Variants in GPRIN2 observed in about 807,000 individuals in gnomAD.
GPRIN2 encodes G protein-regulated inducer of neurite outgrowth 2.
A neutral mutation model predicts 0.3 loss-of-function variants in GPRIN2; 1 was observed. The observed-to-expected ratio is 3.90, with a 90% CI of 1.39 to 18.51. The LOEUF (loss-of-function observed/expected upper bound fraction) is 18.51. Ranked by LOEUF, GPRIN2 falls within the 30% of genes most tolerant of loss-of-function variation. The pLI is 0.11. For synonymous variants in GPRIN2, 361 were observed against 258.6 expected (o/e 1.40, Z -3.80); for missense variants, 880 against 604.2 (o/e 1.46, Z -4.79).
At chr10:46,551,039 C>G (rs1398769584) in intron 2 of GPRIN2, among the ~76,000 whole-genome samples, 1 of 152,304 alleles carries the variant, frequency 6.6e-6, no homozygotes, top group East Asian at 1.9e-4. Context: ...CAGCTCTCAA[C>G]TCTTTACTGG....
upstream of GPRIN2, among the ~76,000 whole-genome samples, chr10:46,556,711 C>T (rs1485725259): frequency 2.0e-5 from 3 of 152,048 alleles, no homozygotes; most frequent in Admixed American, 1.3e-4. Flanking sequence ...GGGCGGCGGG[C>T]GGAGACCTCG....
chr10:46,553,275 C>A (rs1832055680), intron 2 of GPRIN2, among the ~76,000 whole-genome samples: 57 of 152,398 alleles, frequency 3.7e-4, no homozygotes, highest in African/African-American at 1.3e-3. Flanking sequence ...CATGACATGC[C>A]ATGGAACAAG....
chr10:46,553,129 C>CAG lies in GPRIN2; in HGVS notation c.-7+1454_-7+1455dup, dbSNP rs1448794136. Among the ~76,000 whole-genome samples the CAG allele has an allele frequency of 3.3e-5, 5 of 152,312 alleles. No individual in the cohort carries two copies. The East Asian group carries it at 7.7e-4, about 23-fold the overall frequency. ...TACAGACAGGAGAATTCCATAAGCT[C>CAG]AGAGAGGCTCAGTGACCCCCAAGGG... On this transcript the variant is annotated intron_variant, in intron 2 of 2. Transcript: ENST00000374314.
In GPRIN2 at chr10:46,555,673, C is replaced by T. The variant is rs925476343; in HGVS notation, c.-118+825G>A. On this transcript the variant is annotated intron_variant, in intron 1 of 2. Transcript: ENST00000374314. ...GTGGCCCCATGGATGAGGCTCTGCT[C>T]ACCAGGAAGAGGCCTAGGCGCCCAA... is the stretch of plus-strand genomic sequence containing the variant. 4 of 153,834 alleles carry T rather than the reference C, an allele frequency of 2.6e-5. No homozygotes were observed. The South Asian group carries it at 6.2e-4, about 24-fold the overall frequency. The allele number at this position is 153,834 out of a possible 1,614,324, so 9.5% of individuals were successfully genotyped here. A position where few individuals can be genotyped will look rare whatever the true frequency, so the allele number is the denominator to read the frequency against.
chr10:46,542,348 T>C lies in GPRIN2; in HGVS notation c.*7012A>G, dbSNP rs1189844461. Among the ~76,000 whole-genome samples, 1 of 152,310 alleles carries C rather than the reference T, an allele frequency of 6.6e-6. No individual in the cohort carries two copies. Among genetic ancestry groups the C allele is most frequent in the Non-Finnish European group, 1.5e-5 (1 of 68,058 alleles). ...CCCAAAATCTCATCTTGAATTGTAA[T>C]CCCTATAATCCCCATGTGACAAGGG... On this transcript the variant is annotated 3_prime_UTR_variant, in exon 3 of 3. Transcript: ENST00000374314.
Position 46,547,202 on chromosome 10 carries a change from TG to T in GPRIN2, c.*2157del, listed in dbSNP as rs1842239354. Among the ~76,000 whole-genome samples, 1 of 75,034 alleles carries T rather than the reference TG, an allele frequency of 1.3e-5. No individual in the cohort carries two copies. Among genetic ancestry groups the T allele is most frequent in the Non-Finnish European group, 4.7e-5 (1 of 21,100 alleles). 49.2% of individuals were successfully genotyped at this position (75,034 alleles called of 152,430 possible). On this transcript the variant is annotated 3_prime_UTR_variant, in exon 3 of 3. Transcript: ENST00000374314. ...CTCCTCCCCAAATCCATTGCACACA[TG>T]TGTGCCTGTGTATGCGTGTGTGTGC...
rs1832273179 is a variant in GPRIN2 at position 46,550,698 on chromosome 10, G to A, written c.39C>T (p.Pro13=). The change falls in exon 3 of 3, where the codon CCC becomes CCT. Residue 13 remains proline, a synonymous_variant. Coordinates refer to ENST00000374314, the MANE Select transcript of GPRIN2 (RefSeq NM_001385282.1). ...SSRPEPGPWA[P]LSPRLQPLSQ... ...ACAGGGGCTGAAGGCGGGGGCTCAG[G>A]GGTGCCCAGGGACCCGGCTCGGGGC... The A allele has an allele frequency of 5.1e-5, 77 of 1,513,958 alleles. No individual in the cohort carries two copies. Among genetic ancestry groups the A allele is most frequent in the Middle Eastern group, 1.8e-4 (1 of 5,618 alleles). 93.8% of individuals were successfully genotyped at this position (1,513,958 alleles called of 1,614,324 possible).
In GPRIN2 at chr10:46,550,513, G is replaced by A. The variant is rs1832343951; in HGVS notation, c.224C>T (p.Ala75Val). The change falls in exon 3 of 3, where the codon GCA becomes GTA. Residue 75 changes from alanine (A) to valine (V), a missense_variant. Ala to Val is a moderately conservative substitution (Grantham distance 64, BLOSUM62 0). Coordinates refer to ENST00000374314, the MANE Select transcript of GPRIN2 (RefSeq NM_001385282.1). The part of the protein sequence containing the change: ...EGNPPESMKP[A>V]RASGPKARPS... Reference sequence around the variant, plus strand: ...TCGCGCCTTGGGGCCAGAGGCCCGTGCTGGCTTCATGCTCTCAGGCGGGTT... The same window carrying A: ...TCGCGCCTTGGGGCCAGAGGCCCGTACTGGCTTCATGCTCTCAGGCGGGTT... 10 of 1,603,610 alleles carry A rather than the reference G, an allele frequency of 6.2e-6. No individual in the cohort carries two copies. The highest frequency in any genetic ancestry group is 5.6e-5 in the South Asian group (5 of 89,952).
rs1842476288 is a variant in GPRIN2, at chr10:46,550,122, A to C, written c.615T>G (p.Thr205=). 1 of 1,609,004 alleles carries C rather than the reference A, an allele frequency of 6.2e-7. No homozygotes were observed. The highest frequency in any genetic ancestry group is 1.3e-5 in the African/African-American group (1 of 74,894). The change falls in exon 3 of 3, where the codon ACT becomes ACG. Residue 205 remains threonine (T), a synonymous_variant. Transcript: ENST00000374314. ...CAGCCTGGGCACTGCTGCTGTGGGC[A>C]GTTGTGTCCCCCAGGTCTAGTGGTG... ...SVPPLDLGDT[T]AHSSSAQAEP...
rs1841917440 is a variant in GPRIN2 at position 46,543,699 on chromosome 10, C to G, written c.*5661G>C. ...CCCCAGATGTCAATGGACATATTCC[C>G]ACAATTTTCACATTCCCTCCCAATA... On this transcript the variant is annotated 3_prime_UTR_variant, in exon 3 of 3. Coordinates refer to ENST00000374314, the MANE Select transcript of GPRIN2 (RefSeq NM_001385282.1). Among the ~76,000 whole-genome samples, 1 of 152,306 alleles carries G rather than the reference C, an allele frequency of 6.6e-6. No homozygotes were observed. Among genetic ancestry groups the G allele is most frequent in the Non-Finnish European group, 1.5e-5 (1 of 68,056 alleles).
In GPRIN2 at chr10:46,543,056, C is replaced by G. The variant is rs1555011037; in HGVS notation, c.*6304G>C. Among the ~76,000 whole-genome samples, 1 of 152,308 alleles carries G rather than the reference C, an allele frequency of 6.6e-6. No individual in the cohort carries two copies. On this transcript the variant is annotated 3_prime_UTR_variant, in exon 3 of 3. Transcript: ENST00000374314. ...CTGACAACTGATTTCTCATTCTGGG[C>G]AAAAGCAATGGAAACTTGGCACAGC...
rs575289742 is a variant in GPRIN2 at position 46,548,907 on chromosome 10, G to C, written c.*453C>G. The stretch of plus-strand genomic sequence containing the variant: ...ACACAGGAGGCCTCTGATAACATCA[G>C]TCCCCTTCCCTAAAGACCTGGGCAG... On this transcript the variant is annotated 3_prime_UTR_variant, in exon 3 of 3. Coordinates refer to ENST00000374314, the MANE Select transcript of GPRIN2 (RefSeq NM_001385282.1). 1 of 180,920 alleles carries C rather than the reference G, an allele frequency of 5.5e-6. No individual in the cohort carries two copies. Among genetic ancestry groups the C allele is most frequent in the East Asian group, 1.5e-4 (1 of 6,692 alleles). 11.2% of individuals were successfully genotyped at this position (180,920 alleles called of 1,614,324 possible).
chr10:46,547,544 G>A lies in GPRIN2; in HGVS notation c.*1816C>T, dbSNP rs1832844398. On this transcript the variant is annotated 3_prime_UTR_variant, in exon 3 of 3. Coordinates refer to ENST00000374314, the MANE Select transcript of GPRIN2 (RefSeq NM_001385282.1). ...CCAGGCTGTTCCATCTGCCAGGCAG[G>A]TCCTGCCCTCTCTCCACCCACCTGT... 6.6e-6 allele frequency among the ~76,000 whole-genome samples: 1 copy of A among 152,428 alleles called. No individual in the cohort carries two copies. Among genetic ancestry groups the A allele is most frequent in the African/African-American group, 2.4e-5 (1 of 41,608 alleles).
intron 2 of GPRIN2, among the ~76,000 whole-genome samples, chr10:46,552,504 G>A (rs1378993218): frequency 6.6e-6 from 1 of 152,312 alleles, no homozygotes; most frequent in African/African-American, 2.4e-5. Flanking sequence ...CTCGGTTTCT[G>A]TGTAATTACA....
At position 46,550,147 on chromosome 10, in the gene GPRIN2, G is replaced by A. The variant is rs1832466738; in HGVS notation, c.590C>T (p.Pro197Leu). ...WMLGASQLSV[P>L]PLDLGDTTAH... ...AGTTGTGTCCCCCAGGTCTAGTGGTGGCACTGACAACTGACTCGCCCCCAG... is the reference window on the plus strand; with the variant it reads ...AGTTGTGTCCCCCAGGTCTAGTGGTAGCACTGACAACTGACTCGCCCCCAG... The change falls in exon 3 of 3, where the codon CCA (proline) becomes CTA (leucine). Residue 197 changes from proline (P) to leucine (L), a missense_variant. Coordinates refer to ENST00000374314, the MANE Select transcript of GPRIN2 (RefSeq NM_001385282.1). 6.2e-7 allele frequency: 1 copy of A among 1,603,386 alleles called. No homozygotes were observed. The highest frequency in any genetic ancestry group is 8.5e-7 in the Non-Finnish European group (1 of 1,174,246).
intron 2 of GPRIN2, among the ~76,000 whole-genome samples, chr10:46,553,218 A>G (rs1401580168): frequency 1.3e-5 from 2 of 152,310 alleles, no homozygotes. Flanking sequence ...TATGCCTCGC[A>G]GCTCTCACCC....
In GPRIN2 at chr10:46,552,883, G is replaced by A. The variant is rs1832084519; in HGVS notation, c.-7+1702C>T. Among the ~76,000 whole-genome samples, 12 of 152,410 alleles carry A rather than the reference G, an allele frequency of 7.9e-5. No homozygotes were observed. In the East Asian group the frequency reaches 1.9e-3, roughly 24 times the overall value. On this transcript the variant is annotated intron_variant, in intron 2 of 2. Transcript: ENST00000374314. Reference sequence around the variant, plus strand: ...TTGTCCCTGGGAGGATCAGGAAGAGGAGGAGTAGCCAAGAGAGAAATCTGA... The same window carrying A: ...TTGTCCCTGGGAGGATCAGGAAGAGAAGGAGTAGCCAAGAGAGAAATCTGA...
rs1018400908 is a variant in GPRIN2, at chr10:46,544,313, A to G, written c.*5047T>C. Among the ~76,000 whole-genome samples, 7 of 152,308 alleles carry G rather than the reference A, an allele frequency of 4.6e-5. No individual in the cohort carries two copies. The highest frequency in any genetic ancestry group is 1.3e-4 in the Admixed American group (2 of 15,292). Reference sequence around the variant, plus strand: ...CCACAAGGGCAAGAAGGTAGAGTCCATACTTCTTTCTTGTCTTTTTCTTTT... The same window carrying G: ...CCACAAGGGCAAGAAGGTAGAGTCCGTACTTCTTTCTTGTCTTTTTCTTTT... On this transcript the variant is annotated 3_prime_UTR_variant, in exon 3 of 3. Transcript: ENST00000374314.
chr10:46,548,651 T>C lies in GPRIN2; in HGVS notation c.*709A>G, dbSNP rs1213633367. Among the ~76,000 whole-genome samples, 1 of 152,306 alleles carries C rather than the reference T, an allele frequency of 6.6e-6. No individual in the cohort carries two copies. The highest frequency in any genetic ancestry group is 2.4e-5 in the African/African-American group (1 of 41,488). Reference sequence around the variant, plus strand: ...AGCCTCTGTCTCATTCACCACAGAATCCACAGAACCCAGCACAGAGTATGA... The same window carrying C: ...AGCCTCTGTCTCATTCACCACAGAACCCACAGAACCCAGCACAGAGTATGA... On this transcript the variant is annotated 3_prime_UTR_variant, in exon 3 of 3. Transcript: ENST00000374314.
Sources: gnomAD v4.1 joint callset for allele counts (sites outside exome capture counted in the v4.1 genomes callset) on GRCh38, gnomAD v4.1.1 for gene constraint, MANE v1.5 for transcripts, NCBI Gene and HGNC (gene_info 2026-07-23, HGNC 2026-07-21) for gene names.